Variants in ATXN1 observed in about 807,000 individuals in gnomAD.
ATXN1 encodes the protein ataxin-1.
Under a neutral mutation model 56.4 loss-of-function variants are expected in ATXN1, and 8 were observed. The observed-to-expected ratio is 0.14, with a 90% CI of 0.08 to 0.26. The LOEUF (loss-of-function observed/expected upper bound fraction) is 0.26, where lower values mean the gene tolerates loss of function less well. ATXN1 is among the 10% of genes least tolerant of loss of function. The pLI is 1.00. For missense variants in ATXN1, 987 were observed against 1,106.5 expected (o/e 0.89, Z 1.53); for synonymous variants, 514 against 494.6 (o/e 1.04, Z -0.52).
chr6:16,575,855 C>T (rs543517372), intron 4 of ATXN1, among the ~76,000 whole-genome samples: 2 of 152,300 alleles, frequency 1.3e-5, no homozygotes, highest in African/African-American at 4.8e-5. Context: ...TTCCTTAAGA[C>T]CAAGCAGCAT....
At chr6:16,581,876 C>A (rs1762536879) in intron 4 of ATXN1, among the ~76,000 whole-genome samples, 1 of 152,134 alleles carries the variant, frequency 6.6e-6, no homozygotes, top group Non-Finnish European at 1.5e-5. Context: ...ACGGTGACAT[C>A]CATCTTTCTA....
chr6:16,654,272 G>A (rs961774496), intron 3 of ATXN1, among the ~76,000 whole-genome samples: 5 of 152,144 alleles, frequency 3.3e-5, no homozygotes, highest in African/African-American at 1.2e-4. Context: ...AGGGCCGGGC[G>A]CAGTGGCTTA....
intron 4 of ATXN1, among the ~76,000 whole-genome samples, chr6:16,581,053 G>A (rs1389532429): frequency 6.6e-6 from 1 of 151,866 alleles, no homozygotes; most frequent in Non-Finnish European, 1.5e-5. Flanking sequence ...AGATGTAGTC[G>A]AAGGGTTGAG....
Position 16,300,991 on chromosome 6 carries a change from G to T in ATXN1, c.*5338C>A, listed in dbSNP as rs772750048. 7 of 152,162 alleles carry T rather than the reference G, an allele frequency of 4.6e-5. No homozygotes were observed. Among genetic ancestry groups the T allele is most frequent in the Non-Finnish European group, 8.8e-5 (6 of 67,998 alleles). The allele number at this position is 152,162 out of a possible 1,614,324, so 9.4% of individuals were successfully genotyped here. The stretch of plus-strand genomic sequence containing the variant: ...GTATAGTTTAAGAGCCTTTTACGTA[G>T]TAATTCTTCCAGGCCATAACCATAC... On this transcript the variant is annotated 3_prime_UTR_variant, in exon 8 of 8. Transcript: ENST00000436367.
intron 5 of ATXN1, among the ~76,000 whole-genome samples, chr6:16,519,244 A>G (rs1289715028): frequency 2.0e-5 from 3 of 152,222 alleles, no homozygotes; most frequent in Admixed American, 6.5e-5. Flanking sequence ...ATATATATGA[A>G]AAAAGGAAAT....
At chr6:16,425,823 C>T (rs557797781) in intron 6 of ATXN1, among the ~76,000 whole-genome samples, 279 of 152,300 alleles carry the variant, frequency 1.8e-3, no homozygotes, top group Middle Eastern at 3.4e-3. Context: ...ACCACAAACA[C>T]GGCTGCAATA....
chr6:16,704,357 A>G (rs1019457723), intron 2 of ATXN1, among the ~76,000 whole-genome samples: 19 of 152,032 alleles, frequency 1.2e-4, no homozygotes, highest in African/African-American at 3.9e-4. Flanking sequence ...CTGTCGGTCT[A>G]CAGAATCAGT....
rs562060490 is a variant in ATXN1 at position 16,434,036 on chromosome 6, T to C, written c.-161+51936A>G. On this transcript the variant is annotated intron_variant, in intron 6 of 7. Coordinates refer to ENST00000436367, the MANE Select transcript of ATXN1 (RefSeq NM_001128164.2). ...GAAACAAGTAAAACCCCAAATTAAT[T>C]TGACACCATATGCTATGGGTTACAT... is the stretch of plus-strand genomic sequence containing the variant. 1.4e-4 allele frequency among the ~76,000 whole-genome samples: 21 copies of C among 152,332 alleles called. No homozygotes were observed. The South Asian group carries it at 3.9e-3, about 29-fold the overall frequency.
At chr6:16,546,663 T>C (rs991325202) in intron 4 of ATXN1, among the ~76,000 whole-genome samples, 1 of 152,190 alleles carries the variant, frequency 6.6e-6, no homozygotes, top group Admixed American at 6.5e-5. Context: ...ACTTCTGACA[T>C]ACTTATAAAA....
chr6:16,457,532 CT>C (rs1759903215), intron 6 of ATXN1, among the ~76,000 whole-genome samples: 1 of 152,108 alleles, frequency 6.6e-6, no homozygotes, highest in African/African-American at 2.4e-5. Context: ...TTTTTCTGCA[CT>C]ACGGTCTGGC....
rs1361479890 is a variant in ATXN1 at position 16,306,550 on chromosome 6, C to T, written c.2227G>A (p.Glu743Lys). ...GSAQMLSENG[E>K]LKFPEKMGLP... ...CCCATTTTCTCTGGAAACTTCAGTT[C>T]GCCATTCTCAGAGAGCATCTGGGCA... The change falls in exon 8 of 8, where the codon GAA (glutamate) becomes AAA (lysine). Residue 743 changes from glutamate (E) to lysine (K), a missense_variant. By Grantham distance (56) the Glu-to-Lys change is moderately conservative. This residue lies in a region of ATXN1 where 196 missense variants were observed against 196.7 expected (regional missense o/e 1.00). Coordinates refer to ENST00000436367, the MANE Select transcript of ATXN1 (RefSeq NM_001128164.2). The surrounding 1 kb of genome is among the most constrained non-coding windows in gnomAD (Gnocchi z 5.2). 1.2e-6 allele frequency: 2 copies of T among 1,614,208 alleles called. No individual in the cohort carries two copies. Among genetic ancestry groups the T allele is most frequent in the Non-Finnish European group, 1.7e-6 (2 of 1,180,044 alleles).
At chr6:16,444,855 T>C (rs558920876) in intron 6 of ATXN1, among the ~76,000 whole-genome samples, 2 of 152,244 alleles carry the variant, frequency 1.3e-5, no homozygotes, top group Admixed American at 1.3e-4. Flanking sequence ...ACACCAACTA[T>C]GAAGCAGTCA....
At chr6:16,724,447 A>G (rs1396419981) in intron 2 of ATXN1, among the ~76,000 whole-genome samples, 1 of 152,072 alleles carries the variant, frequency 6.6e-6, no homozygotes, top group African/African-American at 2.4e-5. Context: ...CCCAGTGTTC[A>G]CCCCTGAGAG....
intron 4 of ATXN1, among the ~76,000 whole-genome samples, chr6:16,531,832 A>C (rs1201799262): frequency 6.6e-6 from 1 of 152,206 alleles, no homozygotes; most frequent in African/African-American, 2.4e-5. Flanking sequence ...AATACTTAAA[A>C]CAGTAATATC....
chr6:16,381,132 C>G (rs1333980686), intron 6 of ATXN1, among the ~76,000 whole-genome samples: 1 of 152,098 alleles, frequency 6.6e-6, no homozygotes, highest in Admixed American at 6.5e-5. Flanking sequence ...TCTACTATTA[C>G]AAAAATTAGC....
At chr6:16,758,547 AAAG>A (rs1190831040) in intron 1 of ATXN1, among the ~76,000 whole-genome samples, 2 of 152,246 alleles carry the variant, frequency 1.3e-5, no homozygotes, top group Non-Finnish European at 2.9e-5. Flanking sequence ...CAAATGACTG[AAAG>A]AAGATGCAAT....
At chr6:16,612,898 A>G (rs1205818236) in intron 3 of ATXN1, among the ~76,000 whole-genome samples, 1 of 151,756 alleles carries the variant, frequency 6.6e-6, no homozygotes, top group East Asian at 1.9e-4. Flanking sequence ...TTAAAAAAAA[A>G]AAAAAAGAAA....
intron 2 of ATXN1, among the ~76,000 whole-genome samples, chr6:16,678,190 A>C (rs992749779): frequency 1.3e-5 from 2 of 152,232 alleles, no homozygotes; most frequent in African/African-American, 4.8e-5. Flanking sequence ...TCCAATGCCA[A>C]TGTTTAAGTT....
intron 4 of ATXN1, among the ~76,000 whole-genome samples, chr6:16,527,045 C>T (rs1031982904): frequency 2.0e-5 from 3 of 150,456 alleles, no homozygotes; most frequent in African/African-American, 7.3e-5. Context: ...AAAATCAGGA[C>T]TTACCATATT....
Sources: gnomAD v4.1 joint callset for allele counts (sites outside exome capture counted in the v4.1 genomes callset) on GRCh38, gnomAD v4.1.1 for gene constraint, gnomAD v4.1.1 regional missense constraint, Gnocchi (gnomAD v3.1) non-coding constraint, MANE v1.5 for transcripts, NCBI Gene and HGNC (gene_info 2026-07-23, HGNC 2026-07-21) for gene names.